PRXL2C: variants seen among roughly 807,000 people sequenced by gnomAD.
PRXL2C encodes peroxiredoxin like 2C, also known as peroxiredoxin-like 2C.
PRXL2C carries 38 observed loss-of-function variants against 24.9 expected under a neutral mutation model. The observed-to-expected ratio is 1.53, with a 90% CI of 1.18 to 2.00. The LOEUF is 2.00. Among genes scored for constraint, PRXL2C ranks in the 30% most tolerant of loss-of-function variants. The pLI is 0.00. For missense variants in PRXL2C, 294 were observed against 290.9 expected, an observed-to-expected ratio of 1.01 and a Z score of -0.08; for synonymous variants, 98 against 117.2, an observed-to-expected ratio of 0.84 and a Z score of 1.06.
At chr9:96,650,634 A>G (rs1468107217) in intron 4 of PRXL2C, among the ~76,000 whole-genome samples, 1 of 152,118 alleles carries the variant, frequency 6.6e-6, no homozygotes, top group Non-Finnish European at 1.5e-5. Context: ...TTCCTCAATT[A>G]AAGGAGATGG....
In PRXL2C at chr9:96,640,109, A is replaced by AT. The variant is rs1848094678; in HGVS notation, c.*1649dup. The stretch of plus-strand genomic sequence containing the variant: ...ACTCCGTCTCAAAAAAAAAAAAAAA[A>AT]TTCTAGAAAAATGAAAGATAACAAG... On this transcript the variant is annotated 3_prime_UTR_variant, in exon 6 of 6. Coordinates refer to ENST00000375234, the MANE Select transcript of PRXL2C (RefSeq NM_153698.2). The AT allele has an allele frequency of 6.6e-6, 1 of 151,824 alleles. No individual in the cohort carries two copies. Among genetic ancestry groups the AT allele is most frequent in the African/African-American group, 2.4e-5 (1 of 41,246 alleles). 9.4% of individuals were successfully genotyped at this position (151,824 alleles called of 1,614,324 possible).
chr9:96,652,095 A>C (rs1848276278), intron 2 of PRXL2C, among the ~76,000 whole-genome samples: 1 of 152,258 alleles, frequency 6.6e-6, no homozygotes. Flanking sequence ...ACAGCCAAGG[A>C]AACAATCAAC....
chr9:96,651,379 T>A lies in PRXL2C; in HGVS notation c.421+11A>T. The A allele has an allele frequency of 6.4e-7, 1 of 1,560,868 alleles. No homozygotes were observed. The highest frequency in any genetic ancestry group is 8.8e-7 in the Non-Finnish European group (1 of 1,135,740). On this transcript the variant is annotated intron_variant, in intron 4 of 5. Coordinates refer to ENST00000375234, the MANE Select transcript of PRXL2C (RefSeq NM_153698.2). ...ACCAGTGTTTTCTATTTGAGACATG[T>A]TATGTCTTACCTGAGGAAGCAATTT...
In PRXL2C at chr9:96,641,765, A is replaced by G. The variant is rs963714793; in HGVS notation, c.675T>C (p.His225=). ...VNFTNRPSVI[H]V The stretch of plus-strand genomic sequence containing the variant: ...TGACTGAGTGCATTTTAAGTCACAC[A>G]TGGATAACTGAAGGTCTGTTTGTAA... Residue 225 remains histidine, a synonymous_variant, in exon 6 of 6, where the codon CAT becomes CAC. Coordinates refer to ENST00000375234, the MANE Select transcript of PRXL2C (RefSeq NM_153698.2). 2.5e-6 allele frequency: 4 copies of G among 1,568,714 alleles called. No individual in the cohort carries two copies. In the African/African-American group the frequency reaches 4.0e-5, roughly 16 times the overall value.
At chr9:96,647,086 G>A (rs543865775) in intron 4 of PRXL2C, among the ~76,000 whole-genome samples, 2 of 152,206 alleles carry the variant, frequency 1.3e-5, no homozygotes, top group South Asian at 2.1e-4. Flanking sequence ...CACCGCAGCC[G>A]GTCCCGTTCT....
chr9:96,642,578 G>A (rs1402506396), intron 5 of PRXL2C, among the ~76,000 whole-genome samples: 2 of 145,372 alleles, frequency 1.4e-5, no homozygotes, highest in African/African-American at 5.2e-5. Context: ...ACGGAGGCTC[G>A]CTTTGTCGCC....
chr9:96,644,876 GGA>G lies in PRXL2C; in HGVS notation c.553+1015_553+1016del, dbSNP rs1564408097. On this transcript the variant is annotated intron_variant, in intron 5 of 5. Transcript: ENST00000375234. ...TTTTGTTAGGTATAAATAACTACAT[GGA>G]TTCTTTTTTTTTTTTTTTTTTTTTT... Among the ~76,000 whole-genome samples the G allele has an allele frequency of 1.8e-3, 202 of 113,686 alleles. 1 individual carries two copies. Among genetic ancestry groups the G allele is most frequent in the African/African-American group, 5.9e-3 (196 of 33,108 alleles). 74.6% of individuals were successfully genotyped at this position (113,686 alleles called of 152,430 possible). A position where few individuals can be genotyped will look rare whatever the true frequency, so the allele number is the denominator to read the frequency against.
chr9:96,648,070 T>C (rs1848219373), intron 4 of PRXL2C, among the ~76,000 whole-genome samples: 1 of 151,394 alleles, frequency 6.6e-6, no homozygotes, highest in African/African-American at 2.4e-5. Context: ...CCCAGCTAAT[T>C]TTTGTATTTT....
Position 96,640,209 on chromosome 9 carries a change from T to C in PRXL2C, c.*1550A>G, listed in dbSNP as rs970936205. 3.3e-5 allele frequency: 5 copies of C among 151,712 alleles called. No homozygotes were observed. Among genetic ancestry groups the C allele is most frequent in the African/African-American group, 9.7e-5 (4 of 41,266 alleles). 9.4% of individuals were successfully genotyped at this position (151,712 alleles called of 1,614,324 possible). ...ATGCATAACTAAACCATAGTGTACA[T>C]TTAAGTTACCAAGTTTTAAAAAATT... On this transcript the variant is annotated 3_prime_UTR_variant, in exon 6 of 6. Coordinates refer to ENST00000375234, the MANE Select transcript of PRXL2C (RefSeq NM_153698.2).
intron 5 of PRXL2C, among the ~76,000 whole-genome samples, chr9:96,642,272 A>G (rs1417865970): frequency 1.3e-5 from 2 of 152,152 alleles, no homozygotes; most frequent in Non-Finnish European, 2.9e-5. Context: ...AAATATAATA[A>G]GGAAATAAAT....
chr9:96,644,876 GGATTCTTTTTT>G (rs1564408098), intron 5 of PRXL2C, among the ~76,000 whole-genome samples: 2 of 113,676 alleles, frequency 1.8e-5, no homozygotes, highest in African/African-American at 6.0e-5. Flanking sequence ...ATAACTACAT[GGATTCTTTTTT>G]TTTTTTTTTT....
intron 4 of PRXL2C, among the ~76,000 whole-genome samples, 178 bp downstream of exon 4, chr9:96,651,212 A>C (rs1848260367): frequency 6.6e-6 from 1 of 151,978 alleles, no homozygotes; most frequent in South Asian, 2.1e-4. Context: ...CGGGAGGTGG[A>C]GGTTGCAGTG....
rs369721183 is a variant in PRXL2C at position 96,654,792 on chromosome 9, G to A, written c.193-19C>T. The A allele has an allele frequency of 1.8e-4, 286 of 1,553,488 alleles. No homozygotes were observed. Among genetic ancestry groups the A allele is most frequent in the Non-Finnish European group, 2.3e-4 (267 of 1,147,342 alleles). On this transcript the variant is annotated intron_variant, in intron 1 of 5. Transcript: ENST00000375234. ...GGAAATGCTGAAAGCCAAAACGGCA[G>A]AAAGGGCAAGTTAGTAAAGCAGCAC... is the stretch of plus-strand genomic sequence containing the variant.
At chr9:96,648,988 GTCATGAAC>G (rs1238631724) in intron 4 of PRXL2C, among the ~76,000 whole-genome samples, 1 of 151,974 alleles carries the variant, frequency 6.6e-6, no homozygotes, top group Non-Finnish European at 1.5e-5. Context: ...GGTCAGGCTG[GTCATGAAC>G]TCCTGACTTC....
At position 96,640,976 on chromosome 9, in the gene PRXL2C, A is replaced by G. The variant is rs1450882786; in HGVS notation, c.*783T>C. 6.6e-6 allele frequency: 1 copy of G among 152,180 alleles called. No individual in the cohort carries two copies. The highest frequency in any genetic ancestry group is 1.5e-5 in the Non-Finnish European group (1 of 68,054). The allele number at this position is 152,180 out of a possible 1,614,324, so 9.4% of individuals were successfully genotyped here. A position where few individuals can be genotyped will look rare whatever the true frequency, so the allele number is the denominator to read the frequency against. On this transcript the variant is annotated 3_prime_UTR_variant, in exon 6 of 6. Coordinates refer to ENST00000375234, the MANE Select transcript of PRXL2C (RefSeq NM_153698.2). The stretch of plus-strand genomic sequence containing the variant: ...CAAAATCCTAGTGAAACGGATAGCA[A>G]GTATGTAGTTTGAGAAGGTGCTGTG...
rs1225739545 is a variant in PRXL2C, at chr9:96,641,024, T to A, written c.*735A>T. On this transcript the variant is annotated 3_prime_UTR_variant, in exon 6 of 6. Transcript: ENST00000375234. ...GTGGACACTGGCTATATGTGAAATG[T>A]TCGGATTGCCACACTTCCTCTGAGT... 1 of 152,106 alleles carries A rather than the reference T, an allele frequency of 6.6e-6. No homozygotes were observed. Among genetic ancestry groups the A allele is most frequent in the Non-Finnish European group, 1.5e-5 (1 of 68,042 alleles). 9.4% of individuals were successfully genotyped at this position (152,106 alleles called of 1,614,324 possible). A position where few individuals can be genotyped will look rare whatever the true frequency, so the allele number is the denominator to read the frequency against.
intron 2 of PRXL2C, among the ~76,000 whole-genome samples, chr9:96,652,081 C>T (rs1848276114): frequency 6.6e-6 from 1 of 152,208 alleles, no homozygotes; most frequent in Non-Finnish European, 1.5e-5. Context: ...TAAAAAGCTT[C>T]TGCACAGCCA....
In PRXL2C at chr9:96,651,480, T is replaced by C; in HGVS notation, c.331A>G (p.Thr111Ala). The C allele has an allele frequency of 6.2e-7, 1 of 1,610,682 alleles. No individual in the cohort carries two copies. The highest frequency in any genetic ancestry group is 8.5e-7 in the Non-Finnish European group (1 of 1,179,152). ...YHHIEPFCKL[T>A]GYSHEIYVDP... ...ACATAGATTTCATGAGAATATCCAG[T>C]CAGCTTGCAAAAAGGCTGAAAAGAG... is the stretch of plus-strand genomic sequence containing the variant. Residue 111 changes from threonine (T) to alanine (A), a missense_variant, in exon 4 of 6, where the codon ACT becomes GCT. Transcript: ENST00000375234.
chr9:96,645,759 T>C (rs1202601675), intron 5 of PRXL2C, 134 bp downstream of exon 5: 8 of 1,011,448 alleles, frequency 7.9e-6, no homozygotes, highest in African/African-American at 5.1e-5. Flanking sequence ...ATTGCGCCAC[T>C]GCACTCCAGC....
Sources: gnomAD v4.1 joint callset for allele counts (sites outside exome capture counted in the v4.1 genomes callset) on GRCh38, gnomAD v4.1.1 for gene constraint, MANE v1.5 for transcripts, NCBI Gene and HGNC (gene_info 2026-07-23, HGNC 2026-07-21) for gene names.